Variants in CCDC181 observed in about 807,000 individuals in gnomAD.
CCDC181 encodes the protein coiled-coil domain-containing protein 181.
In CCDC181, 35 loss-of-function variants were observed where a neutral mutation model predicts 58.7. That is an observed-to-expected ratio of 0.60 (90% confidence interval 0.46 to 0.79). CCDC181 has a LOEUF of 0.79. Ranked by LOEUF, CCDC181 falls within the 30% of genes least tolerant of loss-of-function variation. The pLI is 0.00. For missense variants in CCDC181, 517 were observed against 583.9 expected (o/e 0.89, Z 1.18); for synonymous variants, 183 against 197.5 (o/e 0.93, Z 0.62).
chr1:169,397,370 G>T lies in CCDC181; in HGVS notation c.1237C>A (p.Gln413Lys). Residue 413 changes from glutamine to lysine, a missense_variant, in exon 5 of 6, where the codon CAA becomes AAA. Transcript: ENST00000367806. Reference sequence around the variant, plus strand: ...TTTTTAAGCCATAATCGAAAAGCTTGTTGTGGATCTCTGTTTTCCTGCTGA... The same window carrying T: ...TTTTTAAGCCATAATCGAAAAGCTTTTTGTGGATCTCTGTTTTCCTGCTGA... The part of the protein sequence containing the change: ...NSRQENRDPQ[Q>K]AFRLWLKKKH... 1.2e-6 allele frequency: 2 copies of T among 1,606,888 alleles called. No individual in the cohort carries two copies. The highest frequency in any genetic ancestry group is 1.7e-6 in the Non-Finnish European group (2 of 1,177,042).
upstream of CCDC181, among the ~76,000 whole-genome samples, chr1:169,429,504 A>G (rs1010233338): frequency 1.3e-5 from 2 of 152,044 alleles, no homozygotes; most frequent in African/African-American, 4.8e-5. Flanking sequence ...TTCTTGCAGG[A>G]GTAAGGTGGT....
At chr1:169,445,317 T>C (rs1657344070) in intron 2 of CCDC181, among the ~76,000 whole-genome samples, 1 of 152,198 alleles carries the variant, frequency 6.6e-6, no homozygotes, top group South Asian at 2.1e-4. Context: ...AATTCCCCTT[T>C]ATTCCTCGTT....
At chr1:169,410,371 G>A (rs1655898377) in intron 4 of CCDC181, among the ~76,000 whole-genome samples, 1 of 152,080 alleles carries the variant, frequency 6.6e-6, no homozygotes, top group South Asian at 2.1e-4. Flanking sequence ...ACCCAATACA[G>A]GAGCACCCAG....
chr1:169,458,169 A>ATTTTTT (rs1397141241), intron 2 of CCDC181, among the ~76,000 whole-genome samples: 7 of 110,166 alleles, frequency 6.4e-5, no homozygotes, highest in Non-Finnish European at 9.2e-5. Context: ...GGCAAAAGTA[A>ATTTTTT]TTTTTGTTTT....
intron 2 of CCDC181, among the ~76,000 whole-genome samples, chr1:169,450,079 A>G (rs1357485553): frequency 3.3e-5 from 5 of 152,186 alleles, no homozygotes; most frequent in African/African-American, 1.2e-4. Context: ...TTATGATTAA[A>G]TTTCAATTTT....
intron 2 of CCDC181, among the ~76,000 whole-genome samples, chr1:169,432,494 G>A (rs1247776772): frequency 2.0e-5 from 3 of 152,166 alleles, no homozygotes; most frequent in East Asian, 1.9e-4. Flanking sequence ...GAAGCTCAAT[G>A]TACTCCAAGT....
Position 169,423,085 on chromosome 1 carries a change from T to C in CCDC181, c.118-772A>G, listed in dbSNP as rs550734011. On this transcript the variant is annotated intron_variant, in intron 2 of 5. Transcript: ENST00000367806. ...ATTTTATATATATATATATTTTTTC[T>C]CTTTGTCAAAGTTCTCTCCCTCCTA... 6.1e-5 allele frequency among the ~76,000 whole-genome samples: 9 copies of C among 148,542 alleles called. No individual in the cohort carries two copies. The South Asian group carries it at 1.9e-3, about 31-fold the overall frequency.
At chr1:169,443,815 A>G (rs1483324280) in intron 2 of CCDC181, among the ~76,000 whole-genome samples, 3 of 152,202 alleles carry the variant, frequency 2.0e-5, no homozygotes, top group Non-Finnish European at 4.4e-5. Context: ...AGCAAAGAAT[A>G]ACTGACTCAC....
At chr1:169,398,594 A>G (rs1205850991) in intron 4 of CCDC181, among the ~76,000 whole-genome samples, 1 of 152,200 alleles carries the variant, frequency 6.6e-6, no homozygotes, top group Non-Finnish European at 1.5e-5. Context: ...CACATTCTGT[A>G]CTGTACAATA....
At chr1:169,450,856 C>A (rs1657518893) in intron 2 of CCDC181, among the ~76,000 whole-genome samples, 1 of 152,152 alleles carries the variant, frequency 6.6e-6, no homozygotes, top group African/African-American at 2.4e-5. Context: ...ACTGCTATCT[C>A]ATTGGCATTA....
upstream of CCDC181, among the ~76,000 whole-genome samples, chr1:169,432,019 C>G (rs1161269885): frequency 6.6e-6 from 1 of 151,990 alleles, no homozygotes; most frequent in Non-Finnish European, 1.5e-5. Flanking sequence ...ATTGAACACC[C>G]AGAGAAAGGC....
chr1:169,430,679 A>AC (rs1328208669), upstream of CCDC181, among the ~76,000 whole-genome samples: 522 of 147,364 alleles, frequency 3.5e-3, 3 homozygotes, highest in African/African-American at 0.012. Flanking sequence ...AAAAAAAAAA[A>AC]CACACAAATA....
intron 4 of CCDC181, among the ~76,000 whole-genome samples, chr1:169,399,823 T>C (rs1320953056): frequency 1.3e-5 from 2 of 152,148 alleles, no homozygotes; most frequent in Non-Finnish European, 2.9e-5. Context: ...TCACCCTGGC[T>C]CTGTACTTGG....
At chr1:169,438,798 AG>A (rs1176796621) in intron 2 of CCDC181, among the ~76,000 whole-genome samples, 4 of 152,118 alleles carry the variant, frequency 2.6e-5, no homozygotes, top group African/African-American at 9.7e-5. Flanking sequence ...CAGATAAATA[AG>A]GGGGGGTTCT....
chr1:169,456,636 A>G (rs1046574282), intron 2 of CCDC181, among the ~76,000 whole-genome samples: 4 of 152,148 alleles, frequency 2.6e-5, no homozygotes, highest in African/African-American at 9.7e-5. Flanking sequence ...GCACATTATC[A>G]TGCTCAGTCC....
intron 2 of CCDC181, among the ~76,000 whole-genome samples, chr1:169,422,565 C>T (rs1557871496): frequency 6.6e-6 from 1 of 152,236 alleles, no homozygotes; most frequent in East Asian, 1.9e-4. Flanking sequence ...GATTTTTAAA[C>T]ATTTTTATGC....
chr1:169,401,913 G>T (rs1292635530), intron 4 of CCDC181, among the ~76,000 whole-genome samples: 1 of 152,190 alleles, frequency 6.6e-6, no homozygotes, highest in African/African-American at 2.4e-5. Context: ...TTGAAAAAAA[G>T]ATTAGACGAA....
intron 2 of CCDC181, among the ~76,000 whole-genome samples, chr1:169,454,997 A>G (rs752946026): frequency 6.6e-6 from 1 of 152,024 alleles, no homozygotes; most frequent in Non-Finnish European, 1.5e-5. Context: ...TAAAATTTAT[A>G]AATGCTACTG....
At chr1:169,397,540 C>A in intron 4 of CCDC181, 149 bp from the exon 5 acceptor site, 1 of 618,872 alleles carries the variant, frequency 1.6e-6, no homozygotes, top group Non-Finnish European at 2.6e-6. Context: ...AGTATCCAAA[C>A]CAAATACATC....
Sources: gnomAD v4.1 joint callset for allele counts (sites outside exome capture counted in the v4.1 genomes callset) on GRCh38, gnomAD v4.1.1 for gene constraint, MANE v1.5 for transcripts, NCBI Gene and HGNC (gene_info 2026-07-23, HGNC 2026-07-21) for gene names.